The following ST8SIA1 variants were observed in gnomAD, a reference collection of about 807,000 sequenced individuals.
ST8SIA1 encodes ST8 alpha-N-acetyl-neuraminide alpha-2,8-sialyltransferase 1.
Under a neutral mutation model 35.9 loss-of-function variants are expected in ST8SIA1, and 16 were observed. That is an observed-to-expected ratio of 0.45 (90% CI 0.30 to 0.68). ST8SIA1 has a LOEUF of 0.68. Among genes scored for constraint, ST8SIA1 ranks in the 30% least tolerant of loss-of-function variants. The pLI is 0.09. For missense variants in ST8SIA1, 383 were observed against 453.6 expected (o/e 0.84, Z 1.41); for synonymous variants, 170 against 169.6 (o/e 1.00, Z -0.02).
chr12:22,327,219 C>T (rs1866693057), intron 1 of ST8SIA1, among the ~76,000 whole-genome samples: 1 of 152,198 alleles, frequency 6.6e-6, no homozygotes, highest in Non-Finnish European at 1.5e-5. Context: ...CCTCCCTGGA[C>T]AAACAAATCT....
intron 1 of ST8SIA1, among the ~76,000 whole-genome samples, chr12:22,303,887 C>CAA (rs1491346518): frequency 3.3e-5 from 5 of 149,934 alleles, no homozygotes; most frequent in African/African-American, 1.2e-4. Flanking sequence ...CACACACACA[C>CAA]AAAAGTGGTG....
At chr12:22,276,516 G>A (rs1378277241) in intron 2 of ST8SIA1, among the ~76,000 whole-genome samples, 1 of 152,180 alleles carries the variant, frequency 6.6e-6, no homozygotes, top group African/African-American at 2.4e-5. Flanking sequence ...GGCTGCCTGG[G>A]GGAGGCAGTC....
At chr12:22,272,533 G>A (rs1349523633) in intron 2 of ST8SIA1, among the ~76,000 whole-genome samples, 1 of 152,178 alleles carries the variant, frequency 6.6e-6, no homozygotes, top group Non-Finnish European at 1.5e-5. Flanking sequence ...TTGGCTCCAC[G>A]GCGCTACAAA....
At chr12:22,247,033 C>T (rs1865612269) in intron 4 of ST8SIA1, among the ~76,000 whole-genome samples, 1 of 152,088 alleles carries the variant, frequency 6.6e-6, no homozygotes, top group African/African-American at 2.4e-5. Context: ...GTCCTTCCTC[C>T]ATTTGTATTT....
intron 1 of ST8SIA1, among the ~76,000 whole-genome samples, chr12:22,315,424 A>C (rs1164591121): frequency 1.3e-5 from 2 of 152,158 alleles, no homozygotes; most frequent in Non-Finnish European, 2.9e-5. Flanking sequence ...AGCAAAATTA[A>C]CACGTACTGA....
In ST8SIA1 at chr12:22,201,822, T is replaced by C; in HGVS notation, c.801A>G (p.Gly267=). 6.2e-7 allele frequency: 1 copy of C among 1,614,154 alleles called. No homozygotes were observed. Among genetic ancestry groups the C allele is most frequent in the Non-Finnish European group, 8.5e-7 (1 of 1,179,994 alleles). Residue 267 remains glycine, a synonymous_variant, in exon 5 of 5, where the codon GGA becomes GGG. Transcript: ENST00000396037. The part of the protein sequence containing the change: ...RSIGKFWKSR[G]IHAKRLSTGL... ...CTGTGGACAGGCGCTTGGCATGGAT[T>C]CCTCTACTTTTCCAGAACTTTCCAA...
At chr12:22,273,322 C>A (rs1005956335) in intron 2 of ST8SIA1, among the ~76,000 whole-genome samples, 1 of 152,194 alleles carries the variant, frequency 6.6e-6, no homozygotes, top group Admixed American at 6.5e-5. Context: ...ACTGTCATGT[C>A]CACCTTTGAG....
intron 2 of ST8SIA1, chr12:22,268,659 T>A (rs1865876336): frequency 1.8e-5 from 2 of 108,522 alleles, no homozygotes; most frequent in Admixed American, 1.7e-4. Context: ...TCAGATCTCG[T>A]GAGAACTCAC....
intron 4 of ST8SIA1, among the ~76,000 whole-genome samples, chr12:22,229,530 T>G (rs1565572371): frequency 6.6e-6 from 1 of 150,634 alleles, no homozygotes; most frequent in Non-Finnish European, 1.5e-5. Context: ...GTGGGAGGAT[T>G]GCTTGAGCCC....
chr12:22,258,484 A>G (rs1186951723), intron 2 of ST8SIA1, among the ~76,000 whole-genome samples: 1 of 152,156 alleles, frequency 6.6e-6, no homozygotes. Context: ...GTTAAAAAAA[A>G]AAAAGTGTCT....
intron 1 of ST8SIA1, chr12:22,325,807 C>A: frequency 1.4e-6 from 1 of 699,366 alleles, no homozygotes. Context: ...CCTGCATCAT[C>A]AGTCTTGCAT....
At chr12:22,266,848 T>TATACAC (rs1555158440) in intron 2 of ST8SIA1, among the ~76,000 whole-genome samples, 90 of 145,048 alleles carry the variant, frequency 6.2e-4, no homozygotes, top group African/African-American at 2.1e-3. Flanking sequence ...CACAAAAGTA[T>TATACAC]ACACACACAC....
At chr12:22,211,521 T>A (rs1404740409) in intron 4 of ST8SIA1, among the ~76,000 whole-genome samples, 1 of 152,204 alleles carries the variant, frequency 6.6e-6, no homozygotes, top group Non-Finnish European at 1.5e-5. Flanking sequence ...TTAGGGGTTG[T>A]ATGTGATGAA....
chr12:22,303,502 TC>T (rs569007236), intron 1 of ST8SIA1, among the ~76,000 whole-genome samples: 102 of 152,254 alleles, frequency 6.7e-4, no homozygotes, highest in Middle Eastern at 3.4e-3. Context: ...TGAGACCCAT[TC>T]CTAGGTAAGT....
chr12:22,265,622 T>C (rs893337983), intron 2 of ST8SIA1, among the ~76,000 whole-genome samples: 2 of 152,192 alleles, frequency 1.3e-5, no homozygotes, highest in Non-Finnish European at 2.9e-5. Flanking sequence ...TCAATAATTG[T>C]TATTTTTATC....
chr12:22,236,119 C>T (rs1399898345), intron 4 of ST8SIA1, among the ~76,000 whole-genome samples: 3 of 152,166 alleles, frequency 2.0e-5, no homozygotes, highest in Non-Finnish European at 4.4e-5. Context: ...AGATTTCTCT[C>T]CTGCTCCTTT....
intron 1 of ST8SIA1, among the ~76,000 whole-genome samples, chr12:22,296,119 C>G (rs1866239926): frequency 6.6e-6 from 1 of 152,062 alleles, no homozygotes; most frequent in Non-Finnish European, 1.5e-5. Flanking sequence ...AGTGCAGAGG[C>G]CTTAAAGAGG....
chr12:22,221,203 A>G (rs966060559), intron 4 of ST8SIA1, among the ~76,000 whole-genome samples: 2 of 152,088 alleles, frequency 1.3e-5, no homozygotes, highest in African/African-American at 2.4e-5. Flanking sequence ...TAACTTTCCA[A>G]TTTACATCAT....
chr12:22,212,151 AATTT>A (rs1005409977), intron 4 of ST8SIA1, among the ~76,000 whole-genome samples: 35 of 152,192 alleles, frequency 2.3e-4, no homozygotes, highest in African/African-American at 8.0e-4. Context: ...TTTTCAAGTT[AATTT>A]ATCTCCTGAC....
Sources: allele counts gnomAD v4.1 joint callset (sites outside exome capture counted in the v4.1 genomes callset), GRCh38; gene constraint gnomAD v4.1.1; transcripts MANE v1.5; gene names NCBI Gene and HGNC (gene_info 2026-07-23, HGNC 2026-07-21).